The following STXBP6 variants were observed in gnomAD, a reference collection of about 807,000 sequenced individuals.
The protein encoded by STXBP6 is syntaxin-binding protein 6.
STXBP6 carries 21 observed loss-of-function variants against 26.9 expected under a neutral mutation model. The ratio of observed to expected loss-of-function variants is 0.78; its 90% CI spans 0.55 to 1.12. The LOEUF is 1.12. Among genes scored for constraint, STXBP6 ranks in the 50% most tolerant of loss-of-function variants. The pLI, the probability that STXBP6 is intolerant of heterozygous loss-of-function variation, is 0.00. For missense variants in STXBP6, 232 were observed against 257.9 expected (o/e 0.90, Z 0.69); for synonymous variants, 97 against 92.6 (o/e 1.05, Z -0.27).
intron 1 of STXBP6, among the ~76,000 whole-genome samples, chr14:25,004,574 CAA>C (rs1340265363): frequency 2.0e-5 from 3 of 152,212 alleles, no homozygotes; most frequent in African/African-American, 7.2e-5. Flanking sequence ...CAGCTCCTGA[CAA>C]AGTCATTTAT....
chr14:24,876,233 A>T (rs533143465), intron 2 of STXBP6, among the ~76,000 whole-genome samples: 15 of 152,292 alleles, frequency 9.8e-5, no homozygotes, highest in African/African-American at 3.6e-4. Flanking sequence ...CCAGCCAGAG[A>T]GCAGCTGATT....
chr14:24,954,859 T>C (rs558863112), intron 2 of STXBP6, among the ~76,000 whole-genome samples: 1 of 152,340 alleles, frequency 6.6e-6, no homozygotes, highest in African/African-American at 2.4e-5. Context: ...AGCGCAGATA[T>C]AAAGAGCTCA....
chr14:24,823,339 G>A (rs536544823), intron 4 of STXBP6, among the ~76,000 whole-genome samples: 180 of 152,234 alleles, frequency 1.2e-3, no homozygotes, highest in African/African-American at 4.2e-3. Flanking sequence ...AGTATATTGA[G>A]AAGTGATAAA....
rs772838367 is a variant in STXBP6, at chr14:24,846,393, G to C, written c.451+9543C>G. ...TTTCTTTCTGTTTGTATCTTTGAATGACTAACACGTTATGCCTTTGAGATC... is the reference window on the plus strand; with the variant it reads ...TTTCTTTCTGTTTGTATCTTTGAATCACTAACACGTTATGCCTTTGAGATC... On this transcript the variant is annotated intron_variant, in intron 4 of 5. Transcript: ENST00000323944. 3.3e-5 allele frequency among the ~76,000 whole-genome samples: 5 copies of C among 152,176 alleles called. No individual in the cohort carries two copies. In the East Asian group the frequency reaches 9.7e-4, roughly 29 times the overall value.
At chr14:24,898,898 C>G (rs1009956221) in intron 2 of STXBP6, among the ~76,000 whole-genome samples, 1 of 152,156 alleles carries the variant, frequency 6.6e-6, no homozygotes, top group Non-Finnish European at 1.5e-5. Context: ...TCTTACCAAA[C>G]CTCTATAGAA....
intron 2 of STXBP6, among the ~76,000 whole-genome samples, chr14:24,944,581 AGG>A (rs779194005): frequency 7.2e-5 from 11 of 152,124 alleles, no homozygotes; most frequent in Non-Finnish European, 1.5e-4. Context: ...TGGAATTAGA[AGG>A]GGATTTGGGA....
At chr14:25,043,194 C>A (rs2075670615) in intron 1 of STXBP6, among the ~76,000 whole-genome samples, 1 of 152,228 alleles carries the variant, frequency 6.6e-6, no homozygotes, top group Admixed American at 6.5e-5. Context: ...AACGATCCCA[C>A]TGACTCAGGA....
chr14:25,016,019 T>C (rs143022446), intron 1 of STXBP6, among the ~76,000 whole-genome samples: 4 of 152,276 alleles, frequency 2.6e-5, no homozygotes, highest in African/African-American at 9.6e-5. Flanking sequence ...TTCTCTTGCA[T>C]TATGGGTTCC....
intron 1 of STXBP6, among the ~76,000 whole-genome samples, chr14:25,018,229 T>G (rs2075193258): frequency 6.6e-6 from 1 of 152,172 alleles, no homozygotes; most frequent in South Asian, 2.1e-4. Context: ...CCGTGGCTTC[T>G]GACTTGCCTG....
intron 4 of STXBP6, among the ~76,000 whole-genome samples, chr14:24,825,186 G>A (rs544502630): frequency 2.0e-5 from 3 of 152,204 alleles, no homozygotes; most frequent in Non-Finnish European, 4.4e-5. Flanking sequence ...CTTTTTTGCC[G>A]AGTATCTTAG....
intron 1 of STXBP6, among the ~76,000 whole-genome samples, chr14:24,997,294 T>C (rs1371866879): frequency 6.6e-6 from 1 of 152,180 alleles, no homozygotes; most frequent in East Asian, 1.9e-4. Flanking sequence ...CCTGACACCA[T>C]CATCCAGGCC....
intron 1 of STXBP6, among the ~76,000 whole-genome samples, chr14:25,004,354 G>A (rs1220905406): frequency 6.6e-6 from 1 of 152,172 alleles, no homozygotes; most frequent in Non-Finnish European, 1.5e-5. Flanking sequence ...GGAATTCAAA[G>A]GGAAAAGAGC....
At chr14:24,998,178 C>G (rs146053257) in intron 1 of STXBP6, among the ~76,000 whole-genome samples, 296 of 152,224 alleles carry the variant, frequency 1.9e-3, no homozygotes, top group African/African-American at 6.2e-3. Flanking sequence ...TAGGTATTAT[C>G]AGTTGTACTA....
chr14:24,856,741 TC>T (rs2069346788), intron 3 of STXBP6, among the ~76,000 whole-genome samples: 2 of 151,802 alleles, frequency 1.3e-5, no homozygotes, highest in Non-Finnish European at 2.9e-5. Context: ...TTGATAACCA[TC>T]GATATGATTA....
intron 1 of STXBP6, among the ~76,000 whole-genome samples, chr14:24,999,877 C>T (rs2074709927): frequency 6.6e-6 from 1 of 152,136 alleles, no homozygotes; most frequent in African/African-American, 2.4e-5. Flanking sequence ...CAGATCCTAG[C>T]AGGAAGAATA....
chr14:24,878,160 T>C (rs2070216735), intron 2 of STXBP6, among the ~76,000 whole-genome samples: 1 of 152,150 alleles, frequency 6.6e-6, no homozygotes, highest in South Asian at 2.1e-4. Context: ...AGTATGGCAT[T>C]TGTCTTTTGA....
intron 1 of STXBP6, among the ~76,000 whole-genome samples, chr14:25,028,420 T>C (rs1479528877): frequency 6.6e-6 from 1 of 152,050 alleles, no homozygotes; most frequent in East Asian, 1.9e-4. Flanking sequence ...GCTCTATCAA[T>C]GGAACAACAA....
At chr14:24,885,471 A>G (rs1348345080) in intron 2 of STXBP6, among the ~76,000 whole-genome samples, 1 of 152,206 alleles carries the variant, frequency 6.6e-6, no homozygotes, top group Non-Finnish European at 1.5e-5. Flanking sequence ...AGTACCTAGG[A>G]TAGACAGGCC....
intron 1 of STXBP6, among the ~76,000 whole-genome samples, chr14:24,999,147 GA>G (rs2074683758): frequency 6.6e-6 from 1 of 152,120 alleles, no homozygotes. Flanking sequence ...TTGTACAGCT[GA>G]AAAACTGTTA....
Sources: allele counts gnomAD v4.1 joint callset (sites outside exome capture counted in the v4.1 genomes callset), GRCh38; gene constraint gnomAD v4.1.1; transcripts MANE v1.5; gene names NCBI Gene and HGNC (gene_info 2026-07-23, HGNC 2026-07-21).